SIX5: variants seen among roughly 807,000 people sequenced by gnomAD.
SIX5 encodes the protein SIX homeobox 5, also known as homeobox protein SIX5.
SIX5 carries 21 observed loss-of-function variants against 37.1 expected under a neutral mutation model. That is an observed-to-expected ratio of 0.57 (90% CI 0.40 to 0.81). The LOEUF (loss-of-function observed/expected upper bound fraction) is 0.81. Among genes scored for constraint, SIX5 ranks in the 40% least tolerant of loss-of-function variants. The probability of loss-of-function intolerance (pLI) is 0.00; values close to 1 mark genes in which losing one functional copy is unlikely to be tolerated. For missense variants in SIX5, 1,137 were observed against 1,025.1 expected (o/e 1.11, Z -1.49); for synonymous variants, 626 against 505.9 (o/e 1.24, Z -3.19).
At position 45,769,200 on chromosome 19, in the gene SIX5, G is replaced by A; in HGVS notation, c.-356C>T. The A allele has an allele frequency of 4.1e-6, 1 of 244,802 alleles. No individual in the cohort carries two copies. The highest frequency in any genetic ancestry group is 7.9e-6 in the Non-Finnish European group (1 of 126,872). 15.2% of individuals were successfully genotyped at this position (244,802 alleles called of 1,614,324 possible). On this transcript the variant is annotated 5_prime_UTR_variant, in exon 1 of 3. Transcript: ENST00000317578. ...CGTCCAGGAGGACTAAGGGCGCGAA[G>A]CCTCCGCCCCGAGACTGAGCTTCTG...
rs1429254098 is a variant in SIX5, at chr19:45,767,109, G to C, written c.850C>G (p.Pro284Ala). 1 of 1,612,194 alleles carries C rather than the reference G, an allele frequency of 6.2e-7. No individual in the cohort carries two copies. Among genetic ancestry groups the C allele is most frequent in the African/African-American group, 1.3e-5 (1 of 74,924 alleles). Residue 284 changes from proline to alanine, a missense_variant, in exon 2 of 3, where the codon CCT becomes GCT. Pro to Ala is a conservative substitution (Grantham distance 27). This residue lies in a region of SIX5 where 787 missense variants were observed against 621.4 expected (regional missense o/e 1.27). Transcript: ENST00000317578. ...GCCGCCCCTCTCTCCAGGTCCTCAGGACTTCGGCTGGACTCGTCCTCAGTC... is the reference window on the plus strand; with the variant it reads ...GCCGCCCCTCTCTCCAGGTCCTCAGCACTTCGGCTGGACTCGTCCTCAGTC... Reference protein sequence around the residue: ...PTTEDESSRSPEDLERGAAPV... With the variant: ...PTTEDESSRSAEDLERGAAPV...
At position 45,765,971 on chromosome 19, in the gene SIX5, C is replaced by T. The variant is rs780412531; in HGVS notation, c.1750G>A (p.Ala584Thr). The change falls in exon 3 of 3, where the codon GCC (alanine) becomes ACC (threonine). Residue 584 changes from alanine (A) to threonine (T), a missense_variant. Physicochemically the swap from Ala to Thr is moderately conservative, Grantham distance 58. Coordinates refer to ENST00000317578, the MANE Select transcript of SIX5 (RefSeq NM_175875.5). ...SQVLPPAPGL[A>T]LPLKPETAIS... ...GCCGTCTCTGGCTTCAGTGGCAGGGCCAGGCCGGGGGCTGGCGGCAGGACC... is the reference window on the plus strand; with the variant it reads ...GCCGTCTCTGGCTTCAGTGGCAGGGTCAGGCCGGGGGCTGGCGGCAGGACC... 2 of 1,568,386 alleles carry T rather than the reference C, an allele frequency of 1.3e-6. No individual in the cohort carries two copies. The highest frequency in any genetic ancestry group is 2.4e-5 in the South Asian group (2 of 83,952).
In SIX5 at chr19:45,769,098, T is replaced by G; in HGVS notation, c.-254A>C. ...GTTTTCCCTCCGCCTCTGGCCGCGC[T>G]TTCTGCCTCCCCCCAGCGTGTGCTT... On this transcript the variant is annotated 5_prime_UTR_variant, in exon 1 of 3. Coordinates refer to ENST00000317578, the MANE Select transcript of SIX5 (RefSeq NM_175875.5). The G allele has an allele frequency of 4.2e-5, 18 of 432,512 alleles. No homozygotes were observed. The highest frequency in any genetic ancestry group is 4.6e-5 in the Non-Finnish European group (11 of 240,134). 26.8% of individuals were successfully genotyped at this position (432,512 alleles called of 1,614,324 possible).
At chr19:45,766,208 A>G in intron 2 of SIX5, 97 bp from the exon 3 acceptor site, 2 of 1,515,304 alleles carry the variant, frequency 1.3e-6, no homozygotes, top group Non-Finnish European at 1.8e-6. Flanking sequence ...GGGCGGAGGG[A>G]GCCTTGTGGT....
Position 45,765,986 on chromosome 19 carries a change from G to A in SIX5, c.1735C>T (p.Pro579Ser), listed in dbSNP as rs1969063852. The change falls in exon 3 of 3, where the codon CCA (proline) becomes TCA (serine). Residue 579 changes from proline (P) to serine (S), a missense_variant. Physicochemically the swap from Pro to Ser is moderately conservative, Grantham distance 74 (BLOSUM62 -1). Around this residue, in one of 3 missense-constraint regions of SIX5, gnomAD observed 787 missense variants for 621.4 expected, o/e 1.27. Coordinates refer to ENST00000317578, the MANE Select transcript of SIX5 (RefSeq NM_175875.5). ...TSMLVSQVLP[P>S]APGLALPLKP... The stretch of plus-strand genomic sequence containing the variant: ...AGTGGCAGGGCCAGGCCGGGGGCTG[G>A]CGGCAGGACCTGGGAGACGAGCATG... 2 of 1,594,954 alleles carry A rather than the reference G, an allele frequency of 1.3e-6. No individual in the cohort carries two copies. Among genetic ancestry groups the A allele is most frequent in the Middle Eastern group, 1.7e-4 (1 of 6,010 alleles).
Position 45,765,187 on chromosome 19 carries a change from TC to T in SIX5, c.*313del, listed in dbSNP as rs1390711532. On this transcript the variant is annotated 3_prime_UTR_variant, in exon 3 of 3. Transcript: ENST00000317578. ...GAAGTCCGGCCCTGGGGCAGGGTGT[TC>T]CGCTTACAGCTAGTACCAAGTGGAG... 4.1e-6 allele frequency: 2 copies of T among 483,624 alleles called. No individual in the cohort carries two copies. Among genetic ancestry groups the T allele is most frequent in the African/African-American group, 3.9e-5 (2 of 51,494 alleles). 30.0% of individuals were successfully genotyped at this position (483,624 alleles called of 1,614,324 possible). A position where few individuals can be genotyped will look rare whatever the true frequency, so the allele number is the denominator to read the frequency against.
At position 45,768,727 on chromosome 19, in the gene SIX5, G is replaced by T. The variant is rs1969149464; in HGVS notation, c.118C>A (p.Gln40Lys). The change falls in exon 1 of 3, where the codon CAG becomes AAG. Residue 40 changes from glutamine (Q) to lysine (K), a missense_variant. By Grantham distance (53) the Gln-to-Lys change is moderately conservative. This residue lies in a region of SIX5 where 331 missense variants were observed against 360.9 expected (regional missense o/e 0.92). Transcript: ENST00000317578. ...GCCGCCGCCTCACCCTCGGCCGCCT[G>T]CAAAGTCTGCAAGAGCTGGCGCGCT... ...EEARQLLQTL[Q>K]AAEGEAAAAA... 1 of 1,457,846 alleles carries T rather than the reference G, an allele frequency of 6.9e-7. No homozygotes were observed. The highest frequency in any genetic ancestry group is 9.0e-7 in the Non-Finnish European group (1 of 1,109,464). 90.3% of individuals were successfully genotyped at this position (1,457,846 alleles called of 1,614,324 possible).
At position 45,765,331 on chromosome 19, in the gene SIX5, G is replaced by T. The variant is rs1969046234; in HGVS notation, c.*170C>A. The T allele has an allele frequency of 2.2e-6, 2 of 889,332 alleles. No individual in the cohort carries two copies. The highest frequency in any genetic ancestry group is 3.7e-6 in the Non-Finnish European group (2 of 545,030). 55.1% of individuals were successfully genotyped at this position (889,332 alleles called of 1,614,324 possible). A position where few individuals can be genotyped will look rare whatever the true frequency, so the allele number is the denominator to read the frequency against. On this transcript the variant is annotated 3_prime_UTR_variant, in exon 3 of 3. Coordinates refer to ENST00000317578, the MANE Select transcript of SIX5 (RefSeq NM_175875.5). The stretch of plus-strand genomic sequence containing the variant: ...AAGGGGGATGGAGACCTGGACAGGA[G>T]GTGGCCGGGGATACAACCCCCAGCA...
At position 45,766,819 on chromosome 19, in the gene SIX5, GGT is replaced by G; in HGVS notation, c.1138_1139del (p.Thr380GlnfsTer24). On this transcript the variant is annotated frameshift_variant, in exon 2 of 3. Transcript: ENST00000317578. LOFTEE classifies it high-confidence loss of function. The part of the protein sequence containing the change: ...PQPSPQGASE[T>X]KTSLVLDPQT... ...GAGGGTCCAGGACCAGAGAGGTCTT[GGT>G]CTCGCTGGCCCCCTGAGGGCTGGGC... is the stretch of plus-strand genomic sequence containing the variant. 1 of 1,555,360 alleles carries G rather than the reference GGT, an allele frequency of 6.4e-7. No homozygotes were observed. Among genetic ancestry groups the G allele is most frequent in the Non-Finnish European group, 8.7e-7 (1 of 1,153,462 alleles).
chr19:45,767,009 G>A lies in SIX5; in HGVS notation c.950C>T (p.Ala317Val), dbSNP rs748267368. ...CCCGTTCACCAGGATGGAGGAGGAA[G>A]CCGGGCAAGGCGCGGGAGGGCCGGT... ...AGTGPPAPCP[A>V]SSSILVNGSF... Residue 317 changes from alanine (A) to valine (V), a missense_variant, in exon 2 of 3, where the codon GCT becomes GTT. Around this residue, in one of 3 missense-constraint regions of SIX5, gnomAD observed 787 missense variants for 621.4 expected, o/e 1.27. Transcript: ENST00000317578. The A allele has an allele frequency of 2.6e-5, 42 of 1,607,200 alleles. 2 individuals are homozygous for A. In the South Asian group the frequency reaches 2.7e-4, roughly 10 times the overall value.
Position 45,765,890 on chromosome 19 carries a change from C to T in SIX5, c.1831G>A (p.Ala611Thr), listed in dbSNP as rs1321383510. 1 of 1,592,618 alleles carries T rather than the reference C, an allele frequency of 6.3e-7. No individual in the cohort carries two copies. Among genetic ancestry groups the T allele is most frequent in the Non-Finnish European group, 8.5e-7 (1 of 1,171,944 alleles). Residue 611 changes from alanine to threonine, a missense_variant, in exon 3 of 3, where the codon GCT (alanine) becomes ACT (threonine). Around this residue, in one of 3 missense-constraint regions of SIX5, gnomAD observed 787 missense variants for 621.4 expected, o/e 1.27. Coordinates refer to ENST00000317578, the MANE Select transcript of SIX5 (RefSeq NM_175875.5). ...GCAGAAAGGGTGCCTAGGGCGTGAG[C>T]CTCTGGGAGAGCAGGGCTGGGGGCC... ...PVAPSPALPE[A>T]HALGTLSAQQ...
rs762388173 is a variant in SIX5 at position 45,767,172 on chromosome 19, C to T, written c.804-17G>A. 10 of 1,609,074 alleles carry T rather than the reference C, an allele frequency of 6.2e-6. 1 individual carries two copies. The South Asian group carries it at 9.9e-5, about 16-fold the overall frequency. ...TCAGACTCGCTGGCCGGAGAAATGG[C>T]TGTCAGCTGGGGTCCCTTAGCCTGT... On this transcript the variant is annotated splice_polypyrimidine_tract_variant and intron_variant, in intron 1 of 2. Coordinates refer to ENST00000317578, the MANE Select transcript of SIX5 (RefSeq NM_175875.5).
At position 45,766,829 on chromosome 19, in the gene SIX5, G is replaced by GC; in HGVS notation, c.1129dup (p.Ala377GlyfsTer28). On this transcript the variant is annotated frameshift_variant, in exon 2 of 3. Transcript: ENST00000317578. LOFTEE classifies it high-confidence loss of function. Reference sequence around the variant, plus strand: ...GACCAGAGAGGTCTTGGTCTCGCTGGCCCCCTGAGGGCTGGGCTGCGGTGG... The same window carrying GC: ...GACCAGAGAGGTCTTGGTCTCGCTGGCCCCCCTGAGGGCTGGGCTGCGGTGG... 1 of 1,549,294 alleles carries GC rather than the reference G, an allele frequency of 6.5e-7. No homozygotes were observed. The highest frequency in any genetic ancestry group is 8.7e-7 in the Non-Finnish European group (1 of 1,150,412).
intron 2 of SIX5, 109 bp from the exon 3 acceptor site, chr19:45,766,220 G>A: frequency 6.7e-7 from 1 of 1,500,136 alleles, no homozygotes; most frequent in Non-Finnish European, 9.0e-7. Context: ...CCTTGTGGTG[G>A]GCCTTGGGGC....
chr19:45,766,205 G>C, intron 2 of SIX5, 94 bp from the exon 3 acceptor site: 1 of 1,519,634 alleles, frequency 6.6e-7, no homozygotes, highest in Non-Finnish European at 8.9e-7. Flanking sequence ...GGCGGGCGGA[G>C]GGAGCCTTGT....
In SIX5 at chr19:45,769,234, CG is replaced by C. The variant is rs1969174408; in HGVS notation, c.-391del. ...CCGAGACTGAGCTTCTGCACGCCTCCGTCTCCAGGGTCCTCTGCAGGCCCCC... is the reference window on the plus strand; with the variant it reads ...CCGAGACTGAGCTTCTGCACGCCTCCTCTCCAGGGTCCTCTGCAGGCCCCC... On this transcript the variant is annotated 5_prime_UTR_variant, in exon 1 of 3. Transcript: ENST00000317578. 5.1e-6 allele frequency: 1 copy of C among 197,716 alleles called. No homozygotes were observed. The highest frequency in any genetic ancestry group is 2.3e-5 in the African/African-American group (1 of 42,960). The allele number at this position is 197,716 out of a possible 1,614,324, so 12.2% of individuals were successfully genotyped here. A position where few individuals can be genotyped will look rare whatever the true frequency, so the allele number is the denominator to read the frequency against.
At position 45,769,043 on chromosome 19, in the gene SIX5, C is replaced by T. The variant is rs530396924; in HGVS notation, c.-199G>A. The T allele has an allele frequency of 9.3e-6, 5 of 540,272 alleles. No individual in the cohort carries two copies. Among genetic ancestry groups the T allele is most frequent in the African/African-American group, 2.0e-5 (1 of 51,058 alleles). 33.5% of individuals were successfully genotyped at this position (540,272 alleles called of 1,614,324 possible). ...CTCTGTCCCCTTGTGTGTGTCCGTC[C>T]CCCTCCCGTCTGTCTGTGATTCTCC... On this transcript the variant is annotated 5_prime_UTR_variant, in exon 1 of 3. Transcript: ENST00000317578.
At position 45,766,086 on chromosome 19, in the gene SIX5, C is replaced by G; in HGVS notation, c.1635G>C (p.Val545=). Residue 545 remains valine, a synonymous_variant, in exon 3 of 3, where the codon GTG becomes GTC. Transcript: ENST00000317578. The stretch of plus-strand genomic sequence containing the variant: ...CACCCGTCACGATGGGGCTGCCAGA[C>G]ACAGGGTTGGCCAGGAGGAAGTTTC... ...APGNFLLANP[V]SGSPIVTGVA... is the part of the protein sequence containing the mutation. The G allele has an allele frequency of 1.2e-6, 2 of 1,611,976 alleles. No homozygotes were observed. Among genetic ancestry groups the G allele is most frequent in the Non-Finnish European group, 1.7e-6 (2 of 1,179,254 alleles).
rs768789921 is a variant in SIX5 at position 45,766,941 on chromosome 19, C to T, written c.1018G>A (p.Gly340Arg). Reference sequence around the variant, plus strand: ...AGGCCGTTGATGATGACGGGGCCCCCGTTGAGGAGCACTGCTGGGGAGCCG... The same window carrying T: ...AGGCCGTTGATGATGACGGGGCCCCTGTTGAGGAGCACTGCTGGGGAGCCG... Reference protein sequence around the residue: ...ASGSPAVLLNGGPVIINGLAL... With the variant: ...ASGSPAVLLNRGPVIINGLAL... The change falls in exon 2 of 3, where the codon GGG becomes AGG. Residue 340 changes from glycine to arginine, a missense_variant. By Grantham distance (125) the Gly-to-Arg change is moderately radical (BLOSUM62 -2). Around this residue, in one of 3 missense-constraint regions of SIX5, gnomAD observed 787 missense variants for 621.4 expected, o/e 1.27. Coordinates refer to ENST00000317578, the MANE Select transcript of SIX5 (RefSeq NM_175875.5). 2.5e-6 allele frequency: 4 copies of T among 1,573,836 alleles called. No homozygotes were observed. The highest frequency in any genetic ancestry group is 2.7e-5 in the African/African-American group (2 of 73,956).
Sources: allele counts gnomAD v4.1 joint callset, GRCh38; gene constraint gnomAD v4.1.1; regional missense constraint gnomAD v4.1.1; transcripts MANE v1.5; gene names NCBI Gene and HGNC (gene_info 2026-07-23, HGNC 2026-07-21).